Variants in DROSHA observed in about 807,000 individuals in gnomAD.
DROSHA encodes the protein ribonuclease 3.
A neutral mutation model predicts 181.9 loss-of-function variants in DROSHA; 56 were observed. The observed-to-expected ratio is 0.31, with a 90% confidence interval of 0.25 to 0.38. The LOEUF is 0.38. Ranked by LOEUF, DROSHA falls within the 10% of genes least tolerant of loss-of-function variation. DROSHA has a pLI of 1.00. For synonymous variants in DROSHA, 524 were observed against 591.2 expected, an observed-to-expected ratio of 0.89 and a Z score of 1.65; for missense variants, 1,218 against 1,743.5, an observed-to-expected ratio of 0.70 and a Z score of 5.37.
intron 31 of DROSHA, 73 bp downstream of exon 31, chr5:31,410,673 G>A: frequency 6.6e-7 from 1 of 1,511,960 alleles, no homozygotes; most frequent in South Asian, 1.3e-5. Context: ...TAATAATGAG[G>A]AGGAGGACAA....
intron 34 of DROSHA, among the ~76,000 whole-genome samples, chr5:31,406,475 G>A (rs1740662618): frequency 6.6e-6 from 1 of 151,974 alleles, no homozygotes; most frequent in Non-Finnish European, 1.5e-5. Flanking sequence ...AGGTGACAAA[G>A]TGAGACTCTG....
In DROSHA at chr5:31,435,771, T is replaced by A. The variant is rs1744709207; in HGVS notation, c.3036A>T (p.Leu1012=). 6.2e-7 allele frequency: 1 copy of A among 1,613,626 alleles called. No homozygotes were observed. The highest frequency in any genetic ancestry group is 1.3e-5 in the African/African-American group (1 of 74,914). The change falls in exon 25 of 36, where the codon CTA becomes CTT. Residue 1012 remains leucine, a synonymous_variant. Transcript: ENST00000344624. ...AIVQNQHLAM[L]AKKLELDRFM... ...CTGCAGATGTCTTCTATACCTTTGC[T>A]AGCATGGCAAGGTGCTGATTCTGAA...
intron 30 of DROSHA, among the ~76,000 whole-genome samples, chr5:31,418,295 GAGAC>G (rs1742220318): frequency 6.6e-6 from 1 of 151,988 alleles, no homozygotes; most frequent in African/African-American, 2.4e-5. Context: ...GAGAGAGAGA[GAGAC>G]AGAGAGAGGA....
chr5:31,444,060 A>G (rs971934829), intron 23 of DROSHA, among the ~76,000 whole-genome samples: 2 of 152,230 alleles, frequency 1.3e-5, no homozygotes, highest in African/African-American at 4.8e-5. Context: ...GCAGGATTTG[A>G]GCAGGATATT....
At chr5:31,460,639 A>ACC (rs1482880306) in intron 20 of DROSHA, among the ~76,000 whole-genome samples, 2 of 152,208 alleles carry the variant, frequency 1.3e-5, no homozygotes, top group Non-Finnish European at 2.9e-5. Context: ...CCTTTCTTGT[A>ACC]AAAATTATGA....
At chr5:31,518,648 T>C (rs1449479200) in intron 6 of DROSHA, among the ~76,000 whole-genome samples, 1 of 152,208 alleles carries the variant, frequency 6.6e-6, no homozygotes, top group Non-Finnish European at 1.5e-5. Flanking sequence ...CTAAGCACTT[T>C]ACTGACATTT....
In DROSHA at chr5:31,518,259, T is replaced by C. The variant is rs182960110; in HGVS notation, c.948-2695A>G. On this transcript the variant is annotated intron_variant, in intron 6 of 35. Coordinates refer to ENST00000344624, the MANE Select transcript of DROSHA (RefSeq NM_001382508.1). ...TAAAAAAATAAGGTATTATAATCTT[T>C]GGGACCAACATTGTATACAGTCTGT... is the stretch of plus-strand genomic sequence containing the variant. Among the ~76,000 whole-genome samples, 906 of 152,346 alleles carry C rather than the reference T, an allele frequency of 5.9e-3. 4 individuals are homozygous for C. Among genetic ancestry groups the C allele is most frequent in the Non-Finnish European group, 9.6e-3 (651 of 68,030 alleles).
At chr5:31,478,426 A>G (rs1750653637) in intron 16 of DROSHA, among the ~76,000 whole-genome samples, 1 of 152,246 alleles carries the variant, frequency 6.6e-6, no homozygotes, top group South Asian at 2.1e-4. Context: ...ACAAGCTTGG[A>G]CTAAACTGTA....
chr5:31,477,564 C>T (rs892520041), intron 16 of DROSHA, among the ~76,000 whole-genome samples: 1 of 152,258 alleles, frequency 6.6e-6, no homozygotes, highest in African/African-American at 2.4e-5. Flanking sequence ...TCCTGGCCCC[C>T]TGCCAGCCAC....
chr5:31,482,901 TC>T (rs1421403130), intron 16 of DROSHA, among the ~76,000 whole-genome samples: 1 of 152,018 alleles, frequency 6.6e-6, no homozygotes, highest in Non-Finnish European at 1.5e-5. Flanking sequence ...AAGCGATCCT[TC>T]CTTCTCAGCC....
intron 30 of DROSHA, among the ~76,000 whole-genome samples, chr5:31,419,865 C>G (rs931309154): frequency 6.6e-6 from 1 of 152,100 alleles, no homozygotes; most frequent in Non-Finnish European, 1.5e-5. Context: ...CAGTAAGATA[C>G]TATAGTTCAT....
At chr5:31,423,925 A>G (rs1488034232) in intron 28 of DROSHA, among the ~76,000 whole-genome samples, 1 of 152,224 alleles carries the variant, frequency 6.6e-6, no homozygotes, top group Non-Finnish European at 1.5e-5. Flanking sequence ...AAGCTATCAC[A>G]CTATACTAAT....
At chr5:31,515,613 A>T (rs1739195339) in intron 6 of DROSHA, 49 bp from the exon 7 acceptor site, 1 of 1,547,744 alleles carries the variant, frequency 6.5e-7, no homozygotes, top group African/African-American at 1.4e-5. Context: ...CCACATATGG[A>T]CAATTTCAGC....
chr5:31,401,341 T>C lies in DROSHA; in HGVS notation c.*91A>G. 1 of 1,534,066 alleles carries C rather than the reference T, an allele frequency of 6.5e-7. No individual in the cohort carries two copies. Among genetic ancestry groups the C allele is most frequent in the Non-Finnish European group, 9.0e-7 (1 of 1,117,218 alleles). ...ATTTTATTTCAATGAGCACACTTCATTCATTGTCTGCAGGAAAACTAGGCT... is the reference window on the plus strand; with the variant it reads ...ATTTTATTTCAATGAGCACACTTCACTCATTGTCTGCAGGAAAACTAGGCT... On this transcript the variant is annotated 3_prime_UTR_variant, in exon 36 of 36. Coordinates refer to ENST00000344624, the MANE Select transcript of DROSHA (RefSeq NM_001382508.1).
chr5:31,404,255 T>C (rs1561105256), intron 35 of DROSHA, among the ~76,000 whole-genome samples: 3 of 152,160 alleles, frequency 2.0e-5, no homozygotes, highest in Admixed American at 6.5e-5. Flanking sequence ...TCCAGTACTG[T>C]TTTATAGTTG....
intron 29 of DROSHA, chr5:31,421,898 T>TATATATATATATATATGTATATGCGCC (rs59534292): frequency 2.0e-5 from 1 of 50,454 alleles, no homozygotes; most frequent in Non-Finnish European, 3.2e-5. Context: ...AAAAAAAATA[T>TATATATATATATATATGTATATGCGCC]ATATATATAA....
In DROSHA at chr5:31,508,750, C is replaced by T. The variant is rs759833308; in HGVS notation, c.1458G>A (p.Glu486=). ...DLESSSESEC[E]SDEDSTCSSS... is the part of the protein sequence containing the mutation. ...TAGAACAGGTGCTGTCCTCATCAGA[C>T]TCACACTCGGATTCACTGGAACTCT... The change falls in exon 10 of 36, where the codon GAG becomes GAA. Residue 486 remains glutamate, a synonymous_variant. Coordinates refer to ENST00000344624, the MANE Select transcript of DROSHA (RefSeq NM_001382508.1). 9.3e-6 allele frequency: 15 copies of T among 1,613,662 alleles called. No homozygotes were observed. In the East Asian group the frequency reaches 3.1e-4, roughly 34 times the overall value.
intron 16 of DROSHA, among the ~76,000 whole-genome samples, chr5:31,482,448 G>A (rs1751140469): frequency 6.6e-6 from 1 of 152,148 alleles, no homozygotes; most frequent in South Asian, 2.1e-4. Flanking sequence ...ATAGGGACAT[G>A]AGAGGCTAGA....
intron 17 of DROSHA, among the ~76,000 whole-genome samples, chr5:31,468,789 G>C (rs1289342901): frequency 2.0e-5 from 3 of 152,094 alleles, no homozygotes; most frequent in Non-Finnish European, 4.4e-5. Flanking sequence ...GTCTCAATTA[G>C]AGATTCAGTT....
Sources: gnomAD v4.1 joint callset for allele counts (sites outside exome capture counted in the v4.1 genomes callset) on GRCh38, gnomAD v4.1.1 for gene constraint, MANE v1.5 for transcripts, NCBI Gene and HGNC (gene_info 2026-07-23, HGNC 2026-07-21) for gene names.